CALD1: variants seen among roughly 807,000 people sequenced by gnomAD.
CALD1 encodes caldesmon.
In CALD1, 33 loss-of-function variants were observed where a neutral mutation model predicts 99.9. The ratio of observed to expected loss-of-function variants is 0.33; its 90% CI spans 0.25 to 0.44. The LOEUF (loss-of-function observed/expected upper bound fraction) is 0.44, where lower values mean the gene tolerates loss of function less well. Ranked by LOEUF, CALD1 falls within the 20% of genes least tolerant of loss-of-function variation. CALD1 has a pLI of 1.00. For synonymous variants in CALD1, 310 were observed against 325.0 expected (o/e 0.95, Z 0.50); for missense variants, 861 against 962.1 (o/e 0.89, Z 1.39).
chr7:134,887,488 C>T (rs140067954), intron 3 of CALD1, among the ~76,000 whole-genome samples: 171 of 152,304 alleles, frequency 1.1e-3, no homozygotes, highest in African/African-American at 3.9e-3. Flanking sequence ...TTCAAACGTC[C>T]CCTTTGTACT....
chr7:134,739,975 T>A (rs968064671), upstream of CALD1, among the ~76,000 whole-genome samples: 9 of 151,958 alleles, frequency 5.9e-5, no homozygotes, highest in Admixed American at 4.6e-4. Flanking sequence ...GATATTCTTA[T>A]AAAATTTAAG....
intron 3 of CALD1, among the ~76,000 whole-genome samples, chr7:134,908,132 T>C (rs1194843073): frequency 6.6e-6 from 1 of 152,174 alleles, no homozygotes; most frequent in East Asian, 1.9e-4. Context: ...GATGTTTTCA[T>C]TAAAAGAGGT....
intron 3 of CALD1, among the ~76,000 whole-genome samples, chr7:134,888,001 G>A (rs571855435): frequency 6.6e-6 from 1 of 152,324 alleles, no homozygotes; most frequent in South Asian, 2.1e-4. Context: ...AACTGCTGCA[G>A]ACTCTAAAGT....
At chr7:134,848,293 A>T (rs1320265609) in intron 2 of CALD1, among the ~76,000 whole-genome samples, 1 of 152,174 alleles carries the variant, frequency 6.6e-6, no homozygotes, top group Non-Finnish European at 1.5e-5. Flanking sequence ...TCGCTAATTC[A>T]AAACAAAATG....
chr7:134,857,382 C>T (rs1266905792), intron 2 of CALD1, among the ~76,000 whole-genome samples: 1 of 151,716 alleles, frequency 6.6e-6, no homozygotes, highest in Middle Eastern at 3.2e-3. Flanking sequence ...TGGTCTTGAT[C>T]TCCCGGCCTC....
chr7:134,836,143 CAAA>C (rs377048601), intron 1 of CALD1, among the ~76,000 whole-genome samples: 4 of 68,562 alleles, frequency 5.8e-5, no homozygotes, highest in East Asian at 4.0e-4. Context: ...GACTTCATCT[CAAA>C]AAAAAAAAAA....
At chr7:134,791,068 T>C (rs1256908627) in intron 1 of CALD1, among the ~76,000 whole-genome samples, 1 of 27,192 alleles carries the variant, frequency 3.7e-5, no homozygotes, top group Non-Finnish European at 7.2e-5. Flanking sequence ...ATACTACTTA[T>C]TAAGAAATAA....
At chr7:134,921,667 T>C (rs1331322551) in intron 3 of CALD1, among the ~76,000 whole-genome samples, 1 of 151,970 alleles carries the variant, frequency 6.6e-6, no homozygotes, top group Non-Finnish European at 1.5e-5. Context: ...CAAAAATTAA[T>C]TGGGCGTGGT....
chr7:134,924,998 C>T (rs970851804), intron 3 of CALD1, among the ~76,000 whole-genome samples: 1 of 152,146 alleles, frequency 6.6e-6, no homozygotes, highest in Non-Finnish European at 1.5e-5. Context: ...GAGGCCTCAC[C>T]AGCCATGCTG....
At chr7:134,728,511 C>T in the CALD1 span, among the ~76,000 whole-genome samples, 14 of 152,188 alleles carry the variant, frequency 9.2e-5, no homozygotes, top group Non-Finnish European at 2.1e-4. Flanking sequence ...CTGTTTACAC[C>T]TCCACTTGTT....
chr7:134,947,577 A>G lies in CALD1; in HGVS notation c.1602A>G (p.Lys534=), dbSNP rs750874988. 1 of 1,562,166 alleles carries G rather than the reference A, an allele frequency of 6.4e-7. No homozygotes were observed. Among genetic ancestry groups the G allele is most frequent in the Non-Finnish European group, 8.7e-7 (1 of 1,152,790 alleles). The change falls in exon 8 of 15, where the codon AAA becomes AAG. Residue 534 remains lysine (K), a synonymous_variant. Transcript: ENST00000361675. ...AEGAPQVEAG[K]RLEELRRRRG... The stretch of plus-strand genomic sequence containing the variant: ...GCGCCCCCCAGGTGGAAGCCGGCAA[A>G]AGGCTGGAGGAGCTTCGTCGTCGTC...
upstream of CALD1, among the ~76,000 whole-genome samples, chr7:134,777,155 T>TC (rs905000018): frequency 1.3e-5 from 2 of 152,108 alleles, no homozygotes; most frequent in Admixed American, 6.5e-5. Flanking sequence ...TCTTTTTTTT[T>TC]CCCCCTTCCT....
At chr7:134,725,727 A>C in the CALD1 span, among the ~76,000 whole-genome samples, 3 of 152,206 alleles carry the variant, frequency 2.0e-5, no homozygotes, top group South Asian at 6.2e-4. Context: ...TGATGTGATT[A>C]CCTTAAGGAT....
intron 9 of CALD1, among the ~76,000 whole-genome samples, chr7:134,952,658 A>C (rs1807445966): frequency 6.6e-6 from 1 of 151,912 alleles, no homozygotes; most frequent in Non-Finnish European, 1.5e-5. Context: ...TTTAGTAGAG[A>C]CAGGGTTTCA....
intron 1 of CALD1, among the ~76,000 whole-genome samples, chr7:134,754,463 T>C (rs1796710927): frequency 6.6e-6 from 1 of 152,156 alleles, no homozygotes; most frequent in African/African-American, 2.4e-5. Flanking sequence ...AAATAATACA[T>C]ATGCTCTAAT....
At chr7:134,727,822 T>A in the CALD1 span, among the ~76,000 whole-genome samples, 1 of 152,216 alleles carries the variant, frequency 6.6e-6, no homozygotes, top group Admixed American at 6.5e-5. Flanking sequence ...AGCATTAGCA[T>A]GAATGATTCT....
At chr7:134,751,114 A>C (rs1796682294) in intron 1 of CALD1, among the ~76,000 whole-genome samples, 1 of 152,218 alleles carries the variant, frequency 6.6e-6, no homozygotes, top group African/African-American at 2.4e-5. Flanking sequence ...GCCCATGTCC[A>C]AATCCCTGCT....
chr7:134,735,437 G>T, the CALD1 span, among the ~76,000 whole-genome samples: 1 of 152,092 alleles, frequency 6.6e-6, no homozygotes, highest in Non-Finnish European at 1.5e-5. Flanking sequence ...CATAAACTTG[G>T]GTGGTAATGC....
At chr7:134,726,389 T>C in the CALD1 span, among the ~76,000 whole-genome samples, 1 of 140,738 alleles carries the variant, frequency 7.1e-6, no homozygotes, top group South Asian at 2.2e-4. Flanking sequence ...ATATATATCT[T>C]TTTATATATT....
Sources: gnomAD v4.1 joint callset for allele counts (sites outside exome capture counted in the v4.1 genomes callset) on GRCh38, gnomAD v4.1.1 for gene constraint, MANE v1.5 for transcripts, NCBI Gene and HGNC (gene_info 2026-07-23, HGNC 2026-07-21) for gene names.